Variants in ROBO2 observed in about 807,000 individuals in gnomAD.
ROBO2 encodes roundabout guidance receptor 2.
Under a neutral mutation model 160.8 loss-of-function variants are expected in ROBO2, and 53 were observed. That is an observed-to-expected ratio of 0.33 (90% CI 0.26 to 0.41). The LOEUF is 0.41. Among genes scored for constraint, ROBO2 ranks in the 10% least tolerant of loss-of-function variants. The probability of loss-of-function intolerance (pLI) is 1.00; values close to 1 mark genes in which losing one functional copy is unlikely to be tolerated. For missense variants in ROBO2, 1,577 were observed against 1,722.4 expected (o/e 0.92, Z 1.49); for synonymous variants, 664 against 611.7 (o/e 1.09, Z -1.26).
intron 2 of ROBO2, among the ~76,000 whole-genome samples, chr3:76,859,307 T>C (rs1055404784): frequency 2.0e-5 from 3 of 152,222 alleles, no homozygotes; most frequent in African/African-American, 7.2e-5. Flanking sequence ...GATGCAATCA[T>C]TTTTTAGTCA....
chr3:76,740,301 C>A lies in ROBO2; in HGVS notation c.110-357713C>A, dbSNP rs371037677. Reference sequence around the variant, plus strand: ...ATTTTAGAACAAAATAAATTGTTTCCTTTTCTATCACAAATCTGGAAGAAT... The same window carrying A: ...ATTTTAGAACAAAATAAATTGTTTCATTTTCTATCACAAATCTGGAAGAAT... On this transcript the variant is annotated intron_variant, in intron 2 of 26. Coordinates refer to the ROBO2 transcript ENST00000487694. Among the ~76,000 whole-genome samples the A allele has an allele frequency of 6.6e-5, 10 of 152,164 alleles. No homozygotes were observed. The South Asian group carries it at 2.1e-3, about 32-fold the overall frequency.
At chr3:76,932,456 A>G (rs1242566552) in intron 2 of ROBO2, among the ~76,000 whole-genome samples, 1 of 151,632 alleles carries the variant, frequency 6.6e-6, no homozygotes, top group Non-Finnish European at 1.5e-5. Flanking sequence ...ACGTGTCACA[A>G]ATCTATGCTG....
intron 2 of ROBO2, among the ~76,000 whole-genome samples, chr3:76,285,965 A>G (rs1283018925): frequency 6.6e-6 from 1 of 152,186 alleles, no homozygotes; most frequent in African/African-American, 2.4e-5. Flanking sequence ...GGACTCAAAA[A>G]TTATTCAAGA....
intron 2 of ROBO2, among the ~76,000 whole-genome samples, chr3:76,386,520 T>C (rs2076898981): frequency 6.6e-6 from 1 of 152,058 alleles, no homozygotes; most frequent in African/African-American, 2.4e-5. Context: ...TTTTAAGGGT[T>C]TTTTAGGGGT....
intron 5 of ROBO2, among the ~76,000 whole-genome samples, chr3:77,508,050 C>G (rs976158383): frequency 2.6e-5 from 4 of 151,768 alleles, no homozygotes; most frequent in African/African-American, 7.2e-5. Context: ...AACCCTTTCT[C>G]TATAATCTAA....
chr3:76,226,422 T>C (rs1472582419), intron 2 of ROBO2, among the ~76,000 whole-genome samples: 1 of 152,080 alleles, frequency 6.6e-6, no homozygotes, highest in African/African-American at 2.4e-5. Flanking sequence ...TGAAGGGTGG[T>C]GATGAAGGAA....
At chr3:76,673,198 T>C (rs2092315659) in intron 2 of ROBO2, among the ~76,000 whole-genome samples, 1 of 151,798 alleles carries the variant, frequency 6.6e-6, no homozygotes, top group Non-Finnish European at 1.5e-5. Context: ...CTATACAAGA[T>C]GATTACAGTC....
At chr3:75,911,739 G>A (rs1479809169) in intron 1 of ROBO2, among the ~76,000 whole-genome samples, 1 of 151,412 alleles carries the variant, frequency 6.6e-6, no homozygotes, top group Non-Finnish European at 1.5e-5. Flanking sequence ...TGTATTTTTA[G>A]TAGAGACGGG....
At chr3:76,594,084 A>T (rs757672428) in intron 2 of ROBO2, among the ~76,000 whole-genome samples, 1 of 152,004 alleles carries the variant, frequency 6.6e-6, no homozygotes, top group African/African-American at 2.4e-5. Flanking sequence ...AATTTTATTG[A>T]ATCCTTTAAG....
chr3:76,876,086 C>T (rs1197862017), intron 2 of ROBO2, among the ~76,000 whole-genome samples: 3 of 152,048 alleles, frequency 2.0e-5, no homozygotes, highest in Non-Finnish European at 4.4e-5. Flanking sequence ...AACATAGTCA[C>T]AACCGTGGGG....
chr3:76,428,292 C>A (rs1412297303), intron 2 of ROBO2, among the ~76,000 whole-genome samples: 2 of 151,992 alleles, frequency 1.3e-5, no homozygotes, highest in African/African-American at 4.8e-5. Context: ...AATTGTTTAA[C>A]CCTGTGGATA....
chr3:76,178,493 T>G (rs774198233), intron 2 of ROBO2, among the ~76,000 whole-genome samples: 2 of 152,172 alleles, frequency 1.3e-5, no homozygotes, highest in Non-Finnish European at 2.9e-5. Context: ...TTGTTCATCT[T>G]AAATCTCTAT....
intron 24 of ROBO2, among the ~76,000 whole-genome samples, chr3:77,639,167 G>A (rs1482945040): frequency 2.6e-5 from 4 of 151,950 alleles, no homozygotes; most frequent in Non-Finnish European, 5.9e-5. Context: ...TCAGAGAAGG[G>A]GCTCTTTCTC....
At chr3:76,274,580 T>G (rs567954771) in intron 2 of ROBO2, among the ~76,000 whole-genome samples, 2 of 152,224 alleles carry the variant, frequency 1.3e-5, no homozygotes, top group African/African-American at 4.8e-5. Context: ...GGATCACACC[T>G]GTAATTCCAG....
intron 2 of ROBO2, among the ~76,000 whole-genome samples, chr3:76,368,432 T>C (rs983968205): frequency 2.0e-5 from 3 of 150,452 alleles, no homozygotes; most frequent in Non-Finnish European, 2.9e-5. Context: ...CCAGCAATTG[T>C]TGTTCAGCAG....
intron 2 of ROBO2, among the ~76,000 whole-genome samples, chr3:76,724,849 A>T (rs1221862497): frequency 1.3e-5 from 2 of 152,148 alleles, no homozygotes; most frequent in Non-Finnish European, 2.9e-5. Context: ...TTCAATCATG[A>T]GTGTCCTTAC....
chr3:77,293,017 C>A (rs2061504018), intron 2 of ROBO2, among the ~76,000 whole-genome samples: 1 of 150,828 alleles, frequency 6.6e-6, no homozygotes. Flanking sequence ...GAGGCTAGAT[C>A]ACCAAAGACA....
At chr3:76,340,575 A>G (rs945099603) in intron 2 of ROBO2, among the ~76,000 whole-genome samples, 7 of 152,170 alleles carry the variant, frequency 4.6e-5, no homozygotes, top group African/African-American at 1.7e-4. Flanking sequence ...TCAACATTTT[A>G]TAAGCATTTA....
At chr3:76,745,211 G>A (rs1340861610) in intron 2 of ROBO2, among the ~76,000 whole-genome samples, 1 of 151,896 alleles carries the variant, frequency 6.6e-6, no homozygotes, top group Non-Finnish European at 1.5e-5. Flanking sequence ...TCTCTATATT[G>A]GTGGATCGAT....
Sources: gnomAD v4.1 joint callset for allele counts (sites outside exome capture counted in the v4.1 genomes callset) on GRCh38, gnomAD v4.1.1 for gene constraint, MANE v1.5 for transcripts, NCBI Gene and HGNC (gene_info 2026-07-23, HGNC 2026-07-21) for gene names.